The following MEIOC variants were observed in gnomAD, a reference collection of about 807,000 sequenced individuals.
The protein encoded by MEIOC is meiosis-specific coiled-coil domain-containing protein MEIOC.
MEIOC carries 9 observed loss-of-function variants against 85.3 expected under a neutral mutation model. The ratio of observed to expected loss-of-function variants is 0.11; its 90% CI spans 0.06 to 0.18. The LOEUF is 0.18. Ranked by LOEUF, MEIOC falls within the 10% of genes least tolerant of loss-of-function variation. MEIOC has a pLI of 1.00. For missense variants in MEIOC, 898 were observed against 1,129.4 expected, an observed-to-expected ratio of 0.80 and a Z score of 2.94; for synonymous variants, 365 against 393.7, an observed-to-expected ratio of 0.93 and a Z score of 0.86.
intron 2 of MEIOC, among the ~76,000 whole-genome samples, chr17:44,659,825 G>T (rs574408645): frequency 3.3e-5 from 5 of 152,278 alleles, no homozygotes; most frequent in African/African-American, 1.2e-4. Flanking sequence ...AATTAGGAAA[G>T]AAAGATAAAA....
In MEIOC at chr17:44,674,567, C is replaced by A. The variant is rs1339418376; in HGVS notation, c.*371C>A. 4 of 1,003,004 alleles carry A rather than the reference C, an allele frequency of 4.0e-6. No individual in the cohort carries two copies. In the African/African-American group the frequency reaches 6.9e-5, roughly 17 times the overall value. The allele number at this position is 1,003,004 out of a possible 1,614,324, so 62.1% of individuals were successfully genotyped here. A position where few individuals can be genotyped will look rare whatever the true frequency, so the allele number is the denominator to read the frequency against. ...GGTTTGTCTTAGTTAAGTATAATTC[C>A]AAATAATGAATCTAAGTGACTGTAA... is the stretch of plus-strand genomic sequence containing the variant. On this transcript the variant is annotated 3_prime_UTR_variant, in exon 8 of 8. Transcript: ENST00000409122.
chr17:44,673,322 A>T, intron 6 of MEIOC, 44 bp from the exon 7 acceptor site: 1 of 1,409,228 alleles, frequency 7.1e-7, no homozygotes, highest in Non-Finnish European at 9.5e-7. Flanking sequence ...TACTTAAGTT[A>T]ATGGCAGGAC....
At chr17:44,657,346 T>A (rs1297851635) in intron 2 of MEIOC, 85 bp downstream of exon 2, 12 of 1,040,306 alleles carry the variant, frequency 1.2e-5, no homozygotes, top group Non-Finnish European at 1.6e-5. Context: ...GTTTAATGGC[T>A]CCACAGTTAA....
chr17:44,668,573 C>T (rs1598728692), intron 5 of MEIOC, among the ~76,000 whole-genome samples: 2 of 152,128 alleles, frequency 1.3e-5, no homozygotes, highest in South Asian at 4.1e-4. Flanking sequence ...CTCAAGCCAT[C>T]CTCCCACCTT....
chr17:44,660,436 C>T (rs559950749), intron 2 of MEIOC, among the ~76,000 whole-genome samples: 10 of 152,078 alleles, frequency 6.6e-5, no homozygotes, highest in Admixed American at 1.3e-4. Context: ...AACGGGCTTT[C>T]GCCATGTTGA....
chr17:44,657,836 A>T (rs1411126884), intron 2 of MEIOC, among the ~76,000 whole-genome samples: 1 of 146,596 alleles, frequency 6.8e-6, no homozygotes, highest in Non-Finnish European at 1.5e-5. Context: ...TACAGGCATG[A>T]GCCACCGCGT....
downstream of MEIOC, chr17:44,677,075 A>C (rs1412260430): frequency 9.0e-6 from 4 of 444,574 alleles, no homozygotes; most frequent in South Asian, 3.8e-4. Context: ...TCCTTCAGTG[A>C]CAAAAATCAA....
chr17:44,663,043 T>A (rs977777331), intron 3 of MEIOC, among the ~76,000 whole-genome samples: 1 of 152,244 alleles, frequency 6.6e-6, no homozygotes, highest in Non-Finnish European at 1.5e-5. Flanking sequence ...AGATGACTTA[T>A]ATGAATGAGT....
intron 7 of MEIOC, 96 bp downstream of exon 7, chr17:44,673,642 A>ATTAACACT (rs1157078235): frequency 7.6e-5 from 76 of 1,000,462 alleles, no homozygotes; most frequent in South Asian, 5.3e-4. Context: ...GATTTCTAAA[A>ATTAACACT]TTAACACTTA....
intron 2 of MEIOC, among the ~76,000 whole-genome samples, chr17:44,658,012 C>A (rs970884637): frequency 6.6e-6 from 1 of 151,650 alleles, no homozygotes; most frequent in Non-Finnish European, 1.5e-5. Flanking sequence ...CCATCATGCC[C>A]GGCTAATTTT....
chr17:44,671,527 G>A (rs1378670638), intron 6 of MEIOC, among the ~76,000 whole-genome samples: 2 of 147,914 alleles, frequency 1.4e-5, no homozygotes, highest in South Asian at 2.1e-4. Flanking sequence ...GCCAGCCTGG[G>A]ACAGAGTGGG....
At chr17:44,656,817 C>T (rs1022396599) in intron 1 of MEIOC, 135 bp downstream of exon 1, 2 of 8,810 alleles carry the variant, frequency 2.3e-4, no homozygotes, top group Non-Finnish European at 4.3e-4. Flanking sequence ...CCGAACGGGG[C>T]GGGCGGGCGG....
chr17:44,668,894 T>G (rs2144671281), intron 5 of MEIOC, among the ~76,000 whole-genome samples: 1 of 152,328 alleles, frequency 6.6e-6, no homozygotes, highest in East Asian at 1.9e-4. Context: ...GTTGGTATAC[T>G]CAGGTATTTT....
chr17:44,657,265 C>A lies in MEIOC; in HGVS notation c.204+4C>A. On this transcript the variant is annotated splice_donor_region_variant and intron_variant, in intron 2 of 7. Transcript: ENST00000409122. Reference sequence around the variant, plus strand: ...CTACGATTGCTACACATCGCAGGTCCTTTAGTAAACTCTGCCTCTGTTAGA... The same window carrying A: ...CTACGATTGCTACACATCGCAGGTCATTTAGTAAACTCTGCCTCTGTTAGA... The A allele has an allele frequency of 6.5e-7, 1 of 1,549,912 alleles. No individual in the cohort carries two copies.
Position 44,669,423 on chromosome 17 carries a change from T to C in MEIOC, c.2363T>C (p.Val788Ala). ...ALAKNYPGKK[V>A]SSTNNTPVPR... is the part of the protein sequence containing the mutation. ...GCCAAGAATTATCCTGGAAAAAAAG[T>C]ATCCAGTACTAACAACACTCCAGTT... The change falls in exon 6 of 8, where the codon GTA (valine) becomes GCA (alanine). Residue 788 changes from valine (V) to alanine (A), a missense_variant. By Grantham distance (64) the Val-to-Ala change is moderately conservative. Coordinates refer to ENST00000409122, the MANE Select transcript of MEIOC (RefSeq NM_001145080.3). 3.8e-6 allele frequency: 6 copies of C among 1,571,660 alleles called. No homozygotes were observed. The highest frequency in any genetic ancestry group is 5.2e-6 in the Non-Finnish European group (6 of 1,157,214).
chr17:44,662,360 C>T lies in MEIOC; in HGVS notation c.248C>T (p.Ser83Phe). Residue 83 changes from serine to phenylalanine, a missense_variant, in exon 3 of 8, where the codon TCT becomes TTT. Ser to Phe is a radical substitution (Grantham distance 155). Coordinates refer to ENST00000409122, the MANE Select transcript of MEIOC (RefSeq NM_001145080.3). ...CTAAGGCAGACCTATACTCCATTTT[C>T]TTCAACAGAATATTCAAGTTCTGTA... ...VDLRQTYTPFSSTEYSSSVDS... is the reference protein window; with the variant it reads ...VDLRQTYTPFFSTEYSSSVDS... 2.6e-6 allele frequency: 4 copies of T among 1,549,968 alleles called. No individual in the cohort carries two copies. The highest frequency in any genetic ancestry group is 2.6e-6 in the Non-Finnish European group (3 of 1,145,918).
At chr17:44,663,919 C>T (rs1339046915) in intron 3 of MEIOC, among the ~76,000 whole-genome samples, 1 of 152,110 alleles carries the variant, frequency 6.6e-6, no homozygotes. Flanking sequence ...ATTTATTCAA[C>T]AGATAATAAC....
At chr17:44,663,315 T>G (rs1971865172) in intron 3 of MEIOC, among the ~76,000 whole-genome samples, 1 of 139,618 alleles carries the variant, frequency 7.2e-6, no homozygotes, top group African/African-American at 2.5e-5. Context: ...TGACGATAAC[T>G]AGGATATTAT....
downstream of MEIOC, among the ~76,000 whole-genome samples, chr17:44,676,638 C>T (rs1272533657): frequency 2.0e-5 from 3 of 151,960 alleles, no homozygotes; most frequent in South Asian, 2.1e-4. Context: ...CTGGCTAACA[C>T]GGTGAAACCC....
Sources: allele counts gnomAD v4.1 joint callset (sites outside exome capture counted in the v4.1 genomes callset), GRCh38; gene constraint gnomAD v4.1.1; transcripts MANE v1.5; gene names NCBI Gene and HGNC (gene_info 2026-07-23, HGNC 2026-07-21).